Variants in NYAP2 observed in about 807,000 individuals in gnomAD.
NYAP2 encodes the protein neuronal tyrosine-phosphorylated phosphoinositide-3-kinase adaptor 2, also known as neuronal tyrosine-phosphorylated phosphoinositide-3-kinase adapter 2.
Under a neutral mutation model 50.4 loss-of-function variants are expected in NYAP2, and 23 were observed. The ratio of observed to expected loss-of-function variants is 0.46; its 90% confidence interval spans 0.33 to 0.65. The LOEUF is 0.65. NYAP2 is among the 30% of genes least tolerant of loss of function. The pLI, the probability that NYAP2 is intolerant of heterozygous loss-of-function variation, is 0.02. For synonymous variants in NYAP2, 394 were observed against 365.2 expected (o/e 1.08, Z -0.90); for missense variants, 885 against 861.0 (o/e 1.03, Z -0.35).
chr2:225,578,408 C>G (rs1235044033), intron 4 of NYAP2, among the ~76,000 whole-genome samples: 1 of 152,164 alleles, frequency 6.6e-6, no homozygotes, highest in Non-Finnish European at 1.5e-5. Flanking sequence ...TAGAGACTAA[C>G]TTCAGCTTGT....
rs537208637 is a variant in NYAP2 at position 225,441,161 on chromosome 2, C to T, written c.221+32060C>T. On this transcript the variant is annotated intron_variant, in intron 3 of 6. Coordinates refer to ENST00000636099, the Ensembl canonical transcript of NYAP2. ...GCTGAGTCCTTAAGAGCTACGTATTCCACAGGCATGAAGCTCTGCAGATCA... is the reference window on the plus strand; with the variant it reads ...GCTGAGTCCTTAAGAGCTACGTATTTCACAGGCATGAAGCTCTGCAGATCA... Among the ~76,000 whole-genome samples, 9 of 152,292 alleles carry T rather than the reference C, an allele frequency of 5.9e-5. No individual in the cohort carries two copies. The South Asian group carries it at 1.9e-3, about 32-fold the overall frequency.
intron 3 of NYAP2, among the ~76,000 whole-genome samples, chr2:225,411,799 T>C (rs1695046209): frequency 6.6e-6 from 1 of 152,026 alleles, no homozygotes; most frequent in Non-Finnish European, 1.5e-5. Context: ...TGTTGAAGCC[T>C]GAGAACTGAC....
chr2:225,414,070 G>T (rs1301912432), intron 3 of NYAP2, among the ~76,000 whole-genome samples: 1 of 152,118 alleles, frequency 6.6e-6, no homozygotes, highest in Non-Finnish European at 1.5e-5. Flanking sequence ...CTTAGAAAAA[G>T]AATATCCTCA....
At chr2:225,550,646 T>A (rs1300015316) in intron 4 of NYAP2, among the ~76,000 whole-genome samples, 1 of 152,096 alleles carries the variant, frequency 6.6e-6, no homozygotes, top group African/African-American at 2.4e-5. Flanking sequence ...AACATTCTTG[T>A]GTGAATTATG....
chr2:225,603,653 T>A (rs917936850), intron 5 of NYAP2, among the ~76,000 whole-genome samples: 1 of 152,144 alleles, frequency 6.6e-6, no homozygotes, highest in African/African-American at 2.4e-5. Flanking sequence ...TCCTGGCCCA[T>A]GTCTCAATGA....
rs188971405 is a variant in NYAP2, at chr2:225,595,778, T to G, written c.1618+12743T>G. ...CATAAAACAGAAGCTTGATTCTATG[T>G]CCAGCCATAGTTCTCCATTTAGCTT... On this transcript the variant is annotated intron_variant, in intron 5 of 6. Coordinates refer to ENST00000636099, the Ensembl canonical transcript of NYAP2. 3.9e-5 allele frequency among the ~76,000 whole-genome samples: 6 copies of G among 152,320 alleles called. No homozygotes were observed. The East Asian group carries it at 1.2e-3, about 29-fold the overall frequency.
At chr2:225,688,175 T>C in the NYAP2 span, among the ~76,000 whole-genome samples, 3 of 152,202 alleles carry the variant, frequency 2.0e-5, no homozygotes, top group Non-Finnish European at 2.9e-5. Flanking sequence ...TTCTCAGTCA[T>C]TGAACACCCA....
At chr2:225,591,452 G>T (rs1692502799) in intron 5 of NYAP2, among the ~76,000 whole-genome samples, 1 of 152,116 alleles carries the variant, frequency 6.6e-6, no homozygotes, top group Non-Finnish European at 1.5e-5. Context: ...GAACATCAAA[G>T]AAACTAGTGG....
exon 4 of NYAP2, chr2:225,513,443 A>G (rs775855642): frequency 6.2e-7 from 1 of 1,613,988 alleles, no homozygotes; most frequent in Non-Finnish European, 8.5e-7. Flanking sequence ...GATTCATGAC[A>G]ATGCCTGCTC....
Position 225,582,039 on chromosome 2 carries a change from G to A in NYAP2, c.622G>A (p.Asp208Asn). Residue 208 changes from aspartate to asparagine, a missense_variant, in exon 5 of 7, where the codon GAT (aspartate) becomes AAT (asparagine). Physicochemically the swap from Asp to Asn is conservative, Grantham distance 23. Coordinates refer to ENST00000636099, the Ensembl canonical transcript of NYAP2. The surrounding 1 kb of genome is among the most constrained non-coding windows in gnomAD (Gnocchi z 7.0). The stretch of plus-strand genomic sequence containing the variant: ...GAACACTCAGCTGAGCACATCTTTC[G>A]ATGAAACGTACATCAAAAAGCATGG... 2.5e-6 allele frequency: 4 copies of A among 1,613,986 alleles called. No individual in the cohort carries two copies. Among genetic ancestry groups the A allele is most frequent in the African/African-American group, 2.7e-5 (2 of 75,056 alleles).
At chr2:225,647,046 C>T (rs1382814291) in intron 6 of NYAP2, among the ~76,000 whole-genome samples, 2 of 152,036 alleles carry the variant, frequency 1.3e-5, no homozygotes, top group East Asian at 1.9e-4. Context: ...GATATAAAAG[C>T]CTTTGATCTG....
chr2:225,415,620 G>T (rs562784460), intron 3 of NYAP2, among the ~76,000 whole-genome samples: 1 of 152,126 alleles, frequency 6.6e-6, no homozygotes, highest in African/African-American at 2.4e-5. Context: ...ATTGCACCAT[G>T]AATAGCTATT....
At chr2:225,599,353 T>C (rs547658843) in intron 5 of NYAP2, among the ~76,000 whole-genome samples, 1 of 152,348 alleles carries the variant, frequency 6.6e-6, no homozygotes, top group East Asian at 1.9e-4. Context: ...GATACCTATG[T>C]GCTGAGGCCT....
In NYAP2 at chr2:225,583,566, TAA is replaced by T. The variant is rs1481328945; in HGVS notation, c.1618+538_1618+539del. 2.0e-5 allele frequency among the ~76,000 whole-genome samples: 3 copies of T among 148,758 alleles called. No individual in the cohort carries two copies. In the East Asian group the frequency reaches 6.1e-4, roughly 30 times the overall value. ...TATTCCTATTTAAAAGAAGAGTGTT[TAA>T]AAAAAAGTACAAAATCTAAGTTCTT... On this transcript the variant is annotated intron_variant, in intron 5 of 6. Transcript: ENST00000636099.
chr2:225,441,338 CAATG>C (rs1424560064), intron 3 of NYAP2, among the ~76,000 whole-genome samples: 3 of 152,112 alleles, frequency 2.0e-5, no homozygotes, highest in African/African-American at 7.2e-5. Context: ...AAGGGCAAAA[CAATG>C]AAAATCTTGG....
chr2:225,536,933 C>T (rs988184088), intron 4 of NYAP2, among the ~76,000 whole-genome samples: 1 of 151,998 alleles, frequency 6.6e-6, no homozygotes, highest in Non-Finnish European at 1.5e-5. Context: ...TGCCCGCCAC[C>T]ACGCCCGGCT....
chr2:225,545,406 G>A (rs1559210579), intron 4 of NYAP2, among the ~76,000 whole-genome samples: 1 of 151,900 alleles, frequency 6.6e-6, no homozygotes, highest in African/African-American at 2.4e-5. Flanking sequence ...CTCTGACCAT[G>A]TCTTTTCAAA....
At chr2:225,649,342 T>G (rs1284657420) in intron 6 of NYAP2, among the ~76,000 whole-genome samples, 3 of 152,188 alleles carry the variant, frequency 2.0e-5, no homozygotes, top group Non-Finnish European at 4.4e-5. Context: ...GTAAAGTCTG[T>G]GGATCCAGGA....
intron 4 of NYAP2, among the ~76,000 whole-genome samples, chr2:225,550,293 T>A (rs1457540713): frequency 1.2e-5 from 1 of 81,564 alleles, no homozygotes; most frequent in Admixed American, 1.8e-4. Flanking sequence ...TGAGTACCCA[T>A]ATAACCATTC....
Sources: gnomAD v4.1 joint callset for allele counts (sites outside exome capture counted in the v4.1 genomes callset) on GRCh38, gnomAD v4.1.1 for gene constraint, Gnocchi (gnomAD v3.1) non-coding constraint, MANE v1.5 for transcripts, NCBI Gene and HGNC (gene_info 2026-07-23, HGNC 2026-07-21) for gene names.